Variants in MYO18B observed in about 807,000 individuals in gnomAD.
The protein encoded by MYO18B is myosin XVIIIB.
Under a neutral mutation model 273.0 loss-of-function variants are expected in MYO18B, and 204 were observed. The ratio of observed to expected loss-of-function variants is 0.75; its 90% confidence interval spans 0.67 to 0.84. The LOEUF is 0.84. Among genes scored for constraint, MYO18B ranks in the 40% least tolerant of loss-of-function variants. The probability of loss-of-function intolerance (pLI) is 0.00; values close to 1 mark genes in which losing one functional copy is unlikely to be tolerated. For missense variants in MYO18B, 3,212 were observed against 3,287.6 expected, an observed-to-expected ratio of 0.98 and a Z score of 0.56; for synonymous variants, 1,330 against 1,305.7, an observed-to-expected ratio of 1.02 and a Z score of -0.40.
chr22:26,030,766 A>G lies in MYO18B; in HGVS notation c.*336A>G, dbSNP rs919309134. Reference sequence around the variant, plus strand: ...TGTGTAGTTTGGGGTGTATACTTCTATTTCTCTTCCTACATGTCTACATGC... The same window carrying G: ...TGTGTAGTTTGGGGTGTATACTTCTGTTTCTCTTCCTACATGTCTACATGC... On this transcript the variant is annotated 3_prime_UTR_variant, in exon 44 of 44. Transcript: ENST00000335473. 2.5e-5 allele frequency: 10 copies of G among 394,154 alleles called. No homozygotes were observed. Among genetic ancestry groups the G allele is most frequent in the Middle Eastern group, 1.3e-3 (2 of 1,594 alleles). The allele number at this position is 394,154 out of a possible 1,614,324, so 24.4% of individuals were successfully genotyped here. A position where few individuals can be genotyped will look rare whatever the true frequency, so the allele number is the denominator to read the frequency against.
intron 39 of MYO18B, among the ~76,000 whole-genome samples, chr22:25,978,478 C>T (rs2146775028): frequency 6.6e-6 from 1 of 152,284 alleles, no homozygotes; most frequent in East Asian, 1.9e-4. Context: ...CGAGTTGGGA[C>T]AGAGACTTTA....
chr22:25,792,497 CTTTTTT>C (rs58679561), intron 11 of MYO18B, among the ~76,000 whole-genome samples: 4 of 107,956 alleles, frequency 3.7e-5, no homozygotes, highest in South Asian at 3.0e-4. Context: ...TTTTTCTTTT[CTTTTTT>C]TTTTTTTTTT....
Position 25,826,397 on chromosome 22 carries a change from C to T in MYO18B, c.2696-12C>T, listed in dbSNP as rs2089491044. On this transcript the variant is annotated splice_polypyrimidine_tract_variant and intron_variant, in intron 13 of 43. Transcript: ENST00000335473. ...CCCTAACCAAGAATGCTGATTCTGT[C>T]CTCTTTCCCAGGGCTCAAGATGACA... 6.2e-7 allele frequency: 1 copy of T among 1,606,786 alleles called. No individual in the cohort carries two copies. Among genetic ancestry groups the T allele is most frequent in the South Asian group, 1.1e-5 (1 of 89,918 alleles).
In MYO18B at chr22:26,027,597, G is replaced by A. The variant is rs202185507; in HGVS notation, c.7623G>A (p.Thr2541=). The A allele has an allele frequency of 5.4e-4, 877 of 1,613,802 alleles. No homozygotes were observed. Among genetic ancestry groups the A allele is most frequent in the Non-Finnish European group, 7.0e-4 (825 of 1,179,886 alleles). Residue 2541 remains threonine, a synonymous_variant, in exon 43 of 44, where the codon ACG becomes ACA. Transcript: ENST00000335473. This position sits in a 1 kb window ranked among gnomAD's most constrained non-coding sequence, Gnocchi z 4.1. ...PRLAGDGGER[T]SPERREPGTG... is the part of the protein sequence containing the mutation. ...TTGCGGGTGACGGTGGCGAGCGAAC[G>A]TCCCCCGAGCGGAGAGAGCCAGGGA... is the stretch of plus-strand genomic sequence containing the variant.
chr22:25,959,422 A>G (rs1167098204), intron 39 of MYO18B: 1 of 151,944 alleles, frequency 6.6e-6, no homozygotes, highest in Admixed American at 6.6e-5. Context: ...ACAAGTGCAT[A>G]CCATTGTGCC....
intron 36 of MYO18B, among the ~76,000 whole-genome samples, chr22:25,948,407 T>TTTCCTTCCTTCCTTCCTTCC (rs59622689): frequency 1.7e-5 from 2 of 118,058 alleles, no homozygotes; most frequent in East Asian, 2.7e-4. Context: ...TTTTCCTGTC[T>TTTCCTTCCTTCCTTCCTTCC]TTCCTTCCTT....
rs142087402 is a variant in MYO18B, at chr22:25,981,271, G to A, written c.6157-11092G>A. On this transcript the variant is annotated intron_variant, in intron 39 of 43. Transcript: ENST00000335473. ...CATAAACAGATGTGTTTCTCGAGAT[G>A]AGAAGTTCTTCCTTTGTAGGTATGG... 5.3e-3 allele frequency among the ~76,000 whole-genome samples: 804 copies of A among 152,338 alleles called. 24 individuals carry two copies. The highest frequency in any genetic ancestry group is 9.8e-4 in the Non-Finnish European group (67 of 68,030).
intron 7 of MYO18B, among the ~76,000 whole-genome samples, chr22:25,775,661 C>T (rs573266037): frequency 2.0e-5 from 3 of 152,236 alleles, no homozygotes; most frequent in South Asian, 2.1e-4. Context: ...TCTAAGACTC[C>T]GCTTTCCTGG....
chr22:26,013,676 G>A (rs922771162), intron 42 of MYO18B, among the ~76,000 whole-genome samples: 6 of 152,122 alleles, frequency 3.9e-5, no homozygotes, highest in African/African-American at 1.2e-4. Context: ...CCTTGCCAAC[G>A]CCTGGTTTTG....
chr22:25,839,261 CATGTGTGTATAT>C (rs891664888), intron 17 of MYO18B, among the ~76,000 whole-genome samples: 2 of 151,666 alleles, frequency 1.3e-5, no homozygotes, highest in African/African-American at 4.9e-5. Flanking sequence ...TATGTGTGTG[CATGTGTGTATAT>C]GTGTGTGTGT....
chr22:25,814,849 T>C (rs2088931869), intron 12 of MYO18B, among the ~76,000 whole-genome samples: 1 of 152,232 alleles, frequency 6.6e-6, no homozygotes, highest in Non-Finnish European at 1.5e-5. Context: ...CTCATAACTC[T>C]GTGGTAGATT....
At chr22:25,799,270 T>G (rs1414510875) in intron 12 of MYO18B, among the ~76,000 whole-genome samples, 1 of 152,040 alleles carries the variant, frequency 6.6e-6, no homozygotes, top group Non-Finnish European at 1.5e-5. Flanking sequence ...AATGTCATTC[T>G]CCGCTTAGAA....
rs767843589 is a variant in MYO18B, at chr22:26,027,372, C to T, written c.7398C>T (p.Asp2466=). ...SLAGSAKGGQ[D]GSQRSSIHFE... ...CTGGATCAGCCAAAGGTGGGCAAGA[C>T]GGTTCACAGCGTTCAAGCATCCACT... Residue 2466 remains aspartate, a synonymous_variant, in exon 43 of 44, where the codon GAC becomes GAT. Transcript: ENST00000335473. This position sits in a 1 kb window ranked among gnomAD's most constrained non-coding sequence, Gnocchi z 4.1. The T allele has an allele frequency of 3.0e-5, 49 of 1,613,858 alleles. No homozygotes were observed. Among genetic ancestry groups the T allele is most frequent in the Admixed American group, 1.8e-4 (11 of 60,014 alleles).
intron 30 of MYO18B, 75 bp from the exon 31 acceptor site, chr22:25,903,556 T>C: frequency 1.4e-6 from 2 of 1,436,988 alleles, no homozygotes; most frequent in South Asian, 2.6e-5. Context: ...CCCCAGTTGG[T>C]TGTAGAGGTA....
intron 12 of MYO18B, among the ~76,000 whole-genome samples, chr22:25,810,014 G>A (rs2088667167): frequency 6.7e-6 from 1 of 149,948 alleles, no homozygotes; most frequent in Admixed American, 6.6e-5. Flanking sequence ...AAAAAAAAAG[G>A]TCTTTCCTCA....
Position 26,027,484 on chromosome 22 carries a change from C to G in MYO18B, c.7510C>G (p.His2504Asp), listed in dbSNP as rs753089883. 3.1e-6 allele frequency: 5 copies of G among 1,613,976 alleles called. No individual in the cohort carries two copies. The Admixed American group carries it at 8.3e-5, about 27-fold the overall frequency. Residue 2504 changes from histidine to aspartate, a missense_variant, in exon 43 of 44, where the codon CAC (histidine) becomes GAC (aspartate). Transcript: ENST00000335473. The surrounding 1 kb of genome is among the most constrained non-coding windows in gnomAD (Gnocchi z 4.1). Reference sequence around the variant, plus strand: ...CCCGGAGCCCAAGGAGGATCCCGCTCACCTGTCTGACTCGTCCTCATCCTC... The same window carrying G: ...CCCGGAGCCCAAGGAGGATCCCGCTGACCTGTCTGACTCGTCCTCATCCTC... ...KSPEPKEDPAHLSDSSSSSGS... is the reference protein window; with the variant it reads ...KSPEPKEDPADLSDSSSSSGS...
intron 12 of MYO18B, among the ~76,000 whole-genome samples, chr22:25,812,067 G>T (rs949369778): frequency 2.0e-5 from 3 of 151,748 alleles, no homozygotes; most frequent in Non-Finnish European, 4.4e-5. Context: ...GGGTCACACA[G>T]TCCCAAGTGG....
At chr22:25,832,796 A>C in intron 15 of MYO18B, 121 bp from the exon 16 acceptor site, 2 of 823,306 alleles carry the variant, frequency 2.4e-6, no homozygotes, top group South Asian at 3.6e-5. Context: ...AATTTAAAAA[A>C]ACGATTTTTT....
At chr22:26,019,960 A>G (rs1935678372) in intron 42 of MYO18B, among the ~76,000 whole-genome samples, 1 of 152,080 alleles carries the variant, frequency 6.6e-6, no homozygotes, top group African/African-American at 2.4e-5. Flanking sequence ...AAAAATATGT[A>G]TGTGTAGATG....
Sources: gnomAD v4.1 joint callset for allele counts (sites outside exome capture counted in the v4.1 genomes callset) on GRCh38, gnomAD v4.1.1 for gene constraint, Gnocchi (gnomAD v3.1) non-coding constraint, MANE v1.5 for transcripts, NCBI Gene and HGNC (gene_info 2026-07-23, HGNC 2026-07-21) for gene names.